The following PSD3 variants were observed in gnomAD, a reference collection of about 807,000 sequenced individuals.
PSD3 encodes the protein pleckstrin and Sec7 domain containing 3.
In PSD3, 49 loss-of-function variants were observed where a neutral mutation model predicts 105.5. That is an observed-to-expected ratio of 0.46 (90% CI 0.37 to 0.59). The LOEUF is 0.59. Ranked by LOEUF, PSD3 falls within the 20% of genes least tolerant of loss-of-function variation. PSD3 has a pLI of 0.00. For synonymous variants in PSD3, 557 were observed against 457.8 expected (o/e 1.22, Z -2.77); for missense variants, 1,561 against 1,263.8 (o/e 1.24, Z -3.57).
intron 1 of PSD3, among the ~76,000 whole-genome samples, chr8:18,972,816 G>C (rs1043391409): frequency 1.3e-5 from 2 of 152,214 alleles, no homozygotes; most frequent in Non-Finnish European, 2.9e-5. Context: ...TGTTGTTTAA[G>C]CTACGCTGTG....
intron 11 of PSD3, among the ~76,000 whole-genome samples, chr8:18,616,497 G>A (rs1217387275): frequency 6.6e-6 from 1 of 152,052 alleles, no homozygotes; most frequent in Non-Finnish European, 1.5e-5. Context: ...CATCTTTAAG[G>A]GTCTGAAAGA....
chr8:18,544,852 C>T (rs775416285), intron 15 of PSD3, among the ~76,000 whole-genome samples: 3 of 152,048 alleles, frequency 2.0e-5, no homozygotes, highest in Admixed American at 6.6e-5. Flanking sequence ...CTTCAGTGCC[C>T]CTACGGAGTT....
At chr8:18,995,065 G>A (rs1826001587) in intron 1 of PSD3, among the ~76,000 whole-genome samples, 8 of 152,102 alleles carry the variant, frequency 5.3e-5, no homozygotes, top group Admixed American at 5.2e-4. Flanking sequence ...TTATAACAAA[G>A]CCAAAGGACT....
At chr8:18,791,402 T>A (rs867313974) in intron 8 of PSD3, among the ~76,000 whole-genome samples, 1 of 152,034 alleles carries the variant, frequency 6.6e-6, no homozygotes, top group African/African-American at 2.4e-5. Context: ...TGGAACAGAA[T>A]AGAGAACCCA....
chr8:18,640,742 T>C (rs573783113), intron 10 of PSD3, among the ~76,000 whole-genome samples: 22 of 152,190 alleles, frequency 1.4e-4, no homozygotes, highest in Non-Finnish European at 2.4e-4. Context: ...GGAGGGAAGA[T>C]GGCAGAAGAA....
chr8:18,880,218 T>C (rs1316142135), intron 2 of PSD3, among the ~76,000 whole-genome samples: 2 of 152,176 alleles, frequency 1.3e-5, no homozygotes, highest in African/African-American at 4.8e-5. Context: ...AAAGACCAAA[T>C]TATTGTTTTA....
At chr8:18,768,423 T>C (rs1807214720) in intron 8 of PSD3, among the ~76,000 whole-genome samples, 1 of 151,884 alleles carries the variant, frequency 6.6e-6, no homozygotes, top group African/African-American at 2.4e-5. Flanking sequence ...CTGGGTAACA[T>C]CCCTCTCTAG....
chr8:18,687,331 T>C (rs1800713215), intron 9 of PSD3, among the ~76,000 whole-genome samples: 1 of 152,126 alleles, frequency 6.6e-6, no homozygotes, highest in Admixed American at 6.5e-5. Context: ...CCGGGCATGA[T>C]GATGAGCACC....
chr8:19,082,240 C>A (rs1180502951), intron 1 of PSD3, among the ~76,000 whole-genome samples: 4 of 152,176 alleles, frequency 2.6e-5, no homozygotes, highest in Non-Finnish European at 5.9e-5. Flanking sequence ...AGGGTGCTAA[C>A]TTCCCAACTC....
At chr8:18,818,968 A>G (rs936599391) in intron 4 of PSD3, among the ~76,000 whole-genome samples, 1 of 152,170 alleles carries the variant, frequency 6.6e-6, no homozygotes, top group Non-Finnish European at 1.5e-5. Context: ...TGCCTGTTAC[A>G]TCAGAGACCC....
chr8:18,882,262 C>G (rs182603060), intron 2 of PSD3, among the ~76,000 whole-genome samples: 1 of 152,192 alleles, frequency 6.6e-6, no homozygotes, highest in Non-Finnish European at 1.5e-5. Context: ...AAAAAAGCAG[C>G]CTCCTTAAAC....
At chr8:18,771,766 A>G (rs969886202) in intron 8 of PSD3, among the ~76,000 whole-genome samples, 1 of 152,234 alleles carries the variant, frequency 6.6e-6, no homozygotes, top group African/African-American at 2.4e-5. Flanking sequence ...CCATGTTAAC[A>G]GTTTTAAGCA....
chr8:18,706,043 C>G (rs1262447030), intron 9 of PSD3, among the ~76,000 whole-genome samples: 1 of 152,124 alleles, frequency 6.6e-6, no homozygotes, highest in Non-Finnish European at 1.5e-5. Context: ...TGTCCCATTC[C>G]AGCAGCTTTA....
chr8:18,819,704 G>C (rs1348747780), intron 4 of PSD3, among the ~76,000 whole-genome samples: 1 of 149,422 alleles, frequency 6.7e-6, no homozygotes, highest in Non-Finnish European at 1.5e-5. Flanking sequence ...TCAGCCTCCT[G>C]AGTAGCTAGG....
chr8:18,819,531 A>T (rs1025539442), intron 4 of PSD3, among the ~76,000 whole-genome samples: 3 of 151,592 alleles, frequency 2.0e-5, no homozygotes, highest in Non-Finnish European at 4.4e-5. Context: ...ATTAGTTCCT[A>T]GACACATTTT....
At chr8:18,910,222 G>A (rs1170024690) in intron 2 of PSD3, among the ~76,000 whole-genome samples, 2 of 149,434 alleles carry the variant, frequency 1.3e-5, no homozygotes, top group Admixed American at 6.7e-5. Flanking sequence ...CAATAGCAAA[G>A]ACTTGGAACC....
chr8:18,745,729 C>T (rs1426541324), intron 9 of PSD3, among the ~76,000 whole-genome samples: 2 of 152,094 alleles, frequency 1.3e-5, no homozygotes, highest in Non-Finnish European at 2.9e-5. Context: ...TATATGCAGG[C>T]GTATATTTAC....
intron 12 of PSD3, among the ~76,000 whole-genome samples, chr8:18,579,932 A>G (rs1433870489): frequency 6.6e-6 from 1 of 152,190 alleles, no homozygotes; most frequent in East Asian, 1.9e-4. Context: ...GAATATAAAA[A>G]GGGAAAGTGA....
Position 18,915,549 on chromosome 8 carries a change from C to A in PSD3, c.130+20485G>T, listed in dbSNP as rs148883839. Among the ~76,000 whole-genome samples the A allele has an allele frequency of 3.2e-3, 483 of 152,190 alleles. 4 individuals carry two copies. The highest frequency in any genetic ancestry group is 0.011 in the African/African-American group (474 of 41,526). ...GAAAACAAATAACCCAATTTAAAAA[C>A]CTCCTATGGGCAAAGGACTGAAACA... On this transcript the variant is annotated intron_variant, in intron 2 of 15. Transcript: ENST00000327040.
Sources: gnomAD v4.1 joint callset for allele counts (sites outside exome capture counted in the v4.1 genomes callset) on GRCh38, gnomAD v4.1.1 for gene constraint, MANE v1.5 for transcripts, NCBI Gene and HGNC (gene_info 2026-07-23, HGNC 2026-07-21) for gene names.